The following KCNB2 variants were observed in gnomAD, a reference collection of about 807,000 sequenced individuals.
KCNB2 encodes potassium voltage-gated channel subfamily B member 2, also known as delayed rectifier potassium channel protein.
In KCNB2, 15 loss-of-function variants were observed where a neutral mutation model predicts 61.5. That is an observed-to-expected ratio of 0.24 (90% CI 0.16 to 0.38). KCNB2 has a LOEUF of 0.38. Among genes scored for constraint, KCNB2 ranks in the 10% least tolerant of loss-of-function variants. The pLI, the probability that KCNB2 is intolerant of heterozygous loss-of-function variation, is 1.00. For synonymous variants in KCNB2, 457 were observed against 446.0 expected, an observed-to-expected ratio of 1.02 and a Z score of -0.31; for missense variants, 828 against 1,125.2, an observed-to-expected ratio of 0.74 and a Z score of 3.78.
intron 1 of KCNB2, among the ~76,000 whole-genome samples, chr8:72,552,809 G>A (rs1310649909): frequency 1.3e-5 from 2 of 152,018 alleles, no homozygotes; most frequent in African/African-American, 4.8e-5. Flanking sequence ...TACACATGTA[G>A]AACACTTTCT....
chr8:72,593,733 C>A (rs971563198), intron 2 of KCNB2, among the ~76,000 whole-genome samples: 71 of 152,322 alleles, frequency 4.7e-4, no homozygotes, highest in African/African-American at 1.7e-3. Flanking sequence ...CCATAACCTG[C>A]TGCCATGGCT....
chr8:72,898,579 T>A (rs1806030567), intron 2 of KCNB2, among the ~76,000 whole-genome samples: 1 of 152,186 alleles, frequency 6.6e-6, no homozygotes, highest in Admixed American at 6.6e-5. Context: ...AGGGCCCTTA[T>A]CAAACCAAGC....
chr8:72,545,355 G>T (rs1471862127), intron 1 of KCNB2, among the ~76,000 whole-genome samples: 1 of 152,114 alleles, frequency 6.6e-6, no homozygotes, highest in Admixed American at 6.5e-5. Flanking sequence ...CCTGCATCAC[G>T]CAAGTCTGTC....
At chr8:72,639,458 C>G (rs778406649) in intron 2 of KCNB2, among the ~76,000 whole-genome samples, 7 of 152,120 alleles carry the variant, frequency 4.6e-5, no homozygotes, top group Non-Finnish European at 8.8e-5. Context: ...TTAGACTTTT[C>G]TACCTCTGGC....
In KCNB2 at chr8:72,694,290, A is replaced by G. The variant is rs189377238; in HGVS notation, c.579+125977A>G. Among the ~76,000 whole-genome samples, 24 of 152,314 alleles carry G rather than the reference A, an allele frequency of 1.6e-4. No homozygotes were observed. The East Asian group carries it at 1.7e-3, about 11-fold the overall frequency. Reference sequence around the variant, plus strand: ...GCAAATCAGTGAGTTTGCATGTGAGACGTGCCATATATACTCACAAATATA... The same window carrying G: ...GCAAATCAGTGAGTTTGCATGTGAGGCGTGCCATATATACTCACAAATATA... On this transcript the variant is annotated intron_variant, in intron 2 of 2. Coordinates refer to ENST00000523207, the MANE Select transcript of KCNB2 (RefSeq NM_004770.3).
intron 2 of KCNB2, among the ~76,000 whole-genome samples, chr8:72,728,698 G>C (rs1440256392): frequency 6.6e-6 from 1 of 152,124 alleles, no homozygotes; most frequent in Non-Finnish European, 1.5e-5. Context: ...TACCTGTAAA[G>C]CAAAGGGAGA....
intron 2 of KCNB2, among the ~76,000 whole-genome samples, chr8:72,830,619 G>A (rs6472703): frequency 0.22 from 33,358 of 152,102 alleles, 4,053 homozygotes; most frequent in Non-Finnish European, 0.28. Context: ...TCTATGGATT[G>A]GATTATCTTT....
At chr8:72,795,876 C>A (rs1809024007) in intron 2 of KCNB2, among the ~76,000 whole-genome samples, 2 of 152,098 alleles carry the variant, frequency 1.3e-5, no homozygotes, top group African/African-American at 4.8e-5. Context: ...CTCAGAGAGG[C>A]ATAAAATTAT....
At chr8:72,693,620 G>C (rs1165373584) in intron 2 of KCNB2, among the ~76,000 whole-genome samples, 1 of 152,150 alleles carries the variant, frequency 6.6e-6, no homozygotes, top group African/African-American at 2.4e-5. Flanking sequence ...TAGGCAGTTC[G>C]TAATATTCCA....
intron 2 of KCNB2, among the ~76,000 whole-genome samples, chr8:72,622,255 T>G (rs1805724942): frequency 6.6e-6 from 1 of 152,160 alleles, no homozygotes; most frequent in Non-Finnish European, 1.5e-5. Flanking sequence ...TATAGACATT[T>G]TAAGTGGCGT....
chr8:72,675,834 G>A (rs776842649), intron 2 of KCNB2, among the ~76,000 whole-genome samples: 9 of 152,164 alleles, frequency 5.9e-5, no homozygotes, highest in Non-Finnish European at 1.0e-4. Flanking sequence ...TTACAGGCAT[G>A]AGTCACCGCG....
intron 2 of KCNB2, among the ~76,000 whole-genome samples, chr8:72,813,168 G>C (rs1809333040): frequency 6.6e-6 from 1 of 152,144 alleles, no homozygotes; most frequent in Non-Finnish European, 1.5e-5. Context: ...GAAGTGCTAG[G>C]AGAATACGAA....
intron 2 of KCNB2, among the ~76,000 whole-genome samples, chr8:72,735,133 C>G (rs1807819551): frequency 6.6e-6 from 1 of 152,024 alleles, no homozygotes; most frequent in African/African-American, 2.4e-5. Flanking sequence ...TTATACCAAC[C>G]CAGCTATTTA....
intron 2 of KCNB2, among the ~76,000 whole-genome samples, chr8:72,760,769 AC>A (rs927085537): frequency 6.6e-6 from 1 of 152,178 alleles, no homozygotes; most frequent in African/African-American, 2.4e-5. Flanking sequence ...GCAGTACTTT[AC>A]TTTGAGCTGC....
At chr8:72,912,630 A>G (rs1489599244) in intron 2 of KCNB2, among the ~76,000 whole-genome samples, 3 of 151,838 alleles carry the variant, frequency 2.0e-5, no homozygotes, top group African/African-American at 7.3e-5. Flanking sequence ...TAACCTCTAC[A>G]ACAACTTTAT....
At position 72,595,575 on chromosome 8, in the gene KCNB2, C is replaced by T. The variant is rs186848612; in HGVS notation, c.579+27262C>T. Among the ~76,000 whole-genome samples the T allele has an allele frequency of 2.2e-4, 34 of 152,204 alleles. No individual in the cohort carries two copies. In the East Asian group the frequency reaches 6.6e-3, roughly 30 times the overall value. ...TCCTGACCTCGTGATCCGCCCACGT[C>T]GGCCTCCCAAAGTGCTGGGATTACA... On this transcript the variant is annotated intron_variant, in intron 2 of 2. Coordinates refer to ENST00000523207, the MANE Select transcript of KCNB2 (RefSeq NM_004770.3).
chr8:72,862,172 T>C (rs1805430308), intron 2 of KCNB2, among the ~76,000 whole-genome samples: 4 of 152,094 alleles, frequency 2.6e-5, no homozygotes. Context: ...TAAGAAATAT[T>C]TGGTTGCATC....
At chr8:72,621,895 T>C (rs544461821) in intron 2 of KCNB2, among the ~76,000 whole-genome samples, 1 of 152,248 alleles carries the variant, frequency 6.6e-6, no homozygotes, top group Non-Finnish European at 1.5e-5. Flanking sequence ...CATAAGTGTT[T>C]GTAGTATTCA....
chr8:72,704,997 T>G (rs531944910), intron 2 of KCNB2, among the ~76,000 whole-genome samples: 6 of 152,300 alleles, frequency 3.9e-5, no homozygotes, highest in Non-Finnish European at 7.4e-5. Flanking sequence ...TTCCCAAATA[T>G]TTTTCATCTG....
Sources: allele counts gnomAD v4.1 joint callset (sites outside exome capture counted in the v4.1 genomes callset), GRCh38; gene constraint gnomAD v4.1.1; transcripts MANE v1.5; gene names NCBI Gene and HGNC (gene_info 2026-07-23, HGNC 2026-07-21).